RBFOX1: variants seen among roughly 807,000 people sequenced by gnomAD.
RBFOX1 encodes RNA binding protein fox-1 homolog 1.
RBFOX1 carries 8 observed loss-of-function variants against 57.7 expected under a neutral mutation model. The observed-to-expected ratio is 0.14, with a 90% CI of 0.08 to 0.25. The LOEUF (loss-of-function observed/expected upper bound fraction) is 0.25. RBFOX1 is among the 10% of genes least tolerant of loss of function. The pLI, the probability that RBFOX1 is intolerant of heterozygous loss-of-function variation, is 1.00. For missense variants in RBFOX1, 611 were observed against 548.5 expected (o/e 1.11, Z -1.14); for synonymous variants, 326 against 222.4 (o/e 1.47, Z -4.15).
chr16:6,805,988 G>C (rs1025076493), intron 3 of RBFOX1, among the ~76,000 whole-genome samples: 4 of 152,166 alleles, frequency 2.6e-5, no homozygotes, highest in East Asian at 1.9e-4. Flanking sequence ...CTTTTGTGAG[G>C]TGAGAAGGGG....
intron 3 of RBFOX1, among the ~76,000 whole-genome samples, chr16:6,881,628 C>T (rs577607019): frequency 7.8e-4 from 119 of 152,258 alleles, no homozygotes; most frequent in African/African-American, 2.2e-3. Context: ...AACTTGATTC[C>T]CTCTGCAAAT....
intron 4 of RBFOX1, among the ~76,000 whole-genome samples, chr16:7,299,841 G>C (rs911989044): frequency 6.6e-6 from 1 of 152,108 alleles, no homozygotes; most frequent in Non-Finnish European, 1.5e-5. Context: ...TTTACAATGG[G>C]GTTATGTCCT....
At chr16:5,524,946 C>A (rs547324727) in intron 2 of RBFOX1, among the ~76,000 whole-genome samples, 1 of 152,202 alleles carries the variant, frequency 6.6e-6, no homozygotes, top group Non-Finnish European at 1.5e-5. Context: ...TCCTACCCCA[C>A]TGGGTGCATT....
At chr16:5,758,967 T>C (rs1374777804) in intron 3 of RBFOX1, among the ~76,000 whole-genome samples, 1 of 152,196 alleles carries the variant, frequency 6.6e-6, no homozygotes, top group Non-Finnish European at 1.5e-5. Flanking sequence ...GGCAGTGTGA[T>C]ACATTGGGAA....
chr16:5,518,981 A>G (rs932694932), intron 2 of RBFOX1, among the ~76,000 whole-genome samples: 1 of 152,164 alleles, frequency 6.6e-6, no homozygotes, highest in Non-Finnish European at 1.5e-5. Flanking sequence ...GGTGGCCCTC[A>G]TCCATCCTGA....
chr16:5,341,399 G>A (rs949349276), intron 1 of RBFOX1, among the ~76,000 whole-genome samples: 2 of 152,188 alleles, frequency 1.3e-5, no homozygotes, highest in African/African-American at 4.8e-5. Flanking sequence ...TAGTCCAGGA[G>A]AGAGATCATG....
intron 4 of RBFOX1, among the ~76,000 whole-genome samples, chr16:5,978,002 T>C (rs1183057699): frequency 6.6e-6 from 1 of 151,912 alleles, no homozygotes; most frequent in African/African-American, 2.4e-5. Flanking sequence ...CTTTCTCATA[T>C]GTGAGCAGCT....
At chr16:6,847,054 C>T (rs1442553062) in intron 3 of RBFOX1, among the ~76,000 whole-genome samples, 1 of 152,122 alleles carries the variant, frequency 6.6e-6, no homozygotes, top group Admixed American at 6.5e-5. Flanking sequence ...TCATTTCTGC[C>T]TCTCTTGTAA....
chr16:6,158,711 C>T (rs2096856105), intron 1 of RBFOX1, among the ~76,000 whole-genome samples: 1 of 152,126 alleles, frequency 6.6e-6, no homozygotes, highest in South Asian at 2.1e-4. Flanking sequence ...AGACATTTTG[C>T]TGTGTGTATG....
intron 4 of RBFOX1, among the ~76,000 whole-genome samples, chr16:7,214,565 C>G (rs1032691085): frequency 6.6e-6 from 1 of 152,052 alleles, no homozygotes; most frequent in Admixed American, 6.6e-5. Flanking sequence ...GGTCACCCCA[C>G]TAGCTGTGCT....
At chr16:5,279,489 T>A (rs555231818) in intron 1 of RBFOX1, among the ~76,000 whole-genome samples, 20 of 152,234 alleles carry the variant, frequency 1.3e-4, no homozygotes, top group South Asian at 4.2e-4. Flanking sequence ...CGTCCGTTTT[T>A]AAAAAAATTT....
At chr16:6,471,316 A>G (rs1314429835) in intron 2 of RBFOX1, among the ~76,000 whole-genome samples, 1 of 152,224 alleles carries the variant, frequency 6.6e-6, no homozygotes, top group Admixed American at 6.5e-5. Flanking sequence ...TAGTTAGAAC[A>G]AGAGGCATCC....
chr16:6,216,014 C>G (rs1175275244), intron 1 of RBFOX1, among the ~76,000 whole-genome samples: 1 of 152,114 alleles, frequency 6.6e-6, no homozygotes, highest in Non-Finnish European at 1.5e-5. Flanking sequence ...TTGTCCTTAG[C>G]AAACTAACAC....
At chr16:7,345,155 A>G (rs2096971572) in intron 4 of RBFOX1, among the ~76,000 whole-genome samples, 1 of 152,204 alleles carries the variant, frequency 6.6e-6, no homozygotes, top group Non-Finnish European at 1.5e-5. Flanking sequence ...TTAAACACAA[A>G]TCAAGCAACG....
At chr16:6,504,058 G>A (rs2096018890) in intron 2 of RBFOX1, among the ~76,000 whole-genome samples, 1 of 152,138 alleles carries the variant, frequency 6.6e-6, no homozygotes, top group South Asian at 2.1e-4. Flanking sequence ...CAGCACCACT[G>A]ATAATTTTGC....
intron 3 of RBFOX1, among the ~76,000 whole-genome samples, chr16:6,842,397 C>T (rs941528870): frequency 6.6e-6 from 1 of 151,940 alleles, no homozygotes; most frequent in South Asian, 2.1e-4. Flanking sequence ...TTATTTAATC[C>T]AACTACTTGG....
At chr16:7,540,698 T>C (rs894958839) in intron 5 of RBFOX1, among the ~76,000 whole-genome samples, 2 of 152,328 alleles carry the variant, frequency 1.3e-5, no homozygotes, top group African/African-American at 4.8e-5. Context: ...TGGTTGTCTC[T>C]TCTTGAATGA....
chr16:7,249,601 T>TAAA (rs202035763), intron 4 of RBFOX1, among the ~76,000 whole-genome samples: 1,618 of 146,866 alleles, frequency 0.011, 35 homozygotes, highest in African/African-American at 0.038. Flanking sequence ...CTTCTTTCTT[T>TAAA]AAAAAAAAAA....
rs1336478889 is a variant in RBFOX1, at chr16:6,272,504, G to A, written c.-126-44491G>A. The stretch of plus-strand genomic sequence containing the variant: ...GAAGGCTCATCATAGTAAAGACATT[G>A]ATTCTCCCCAAATGGATAAACAGAT... On this transcript the variant is annotated intron_variant, in intron 1 of 15. Transcript: ENST00000550418. 3.9e-5 allele frequency among the ~76,000 whole-genome samples: 6 copies of A among 152,148 alleles called. No individual in the cohort carries two copies. In the East Asian group the frequency reaches 1.2e-3, roughly 29 times the overall value.
Sources: gnomAD v4.1 joint callset for allele counts (sites outside exome capture counted in the v4.1 genomes callset) on GRCh38, gnomAD v4.1.1 for gene constraint, MANE v1.5 for transcripts, NCBI Gene and HGNC (gene_info 2026-07-23, HGNC 2026-07-21) for gene names.